LAMA4: variants seen among roughly 807,000 people sequenced by gnomAD.
LAMA4 encodes the protein laminin subunit alpha 4.
LAMA4 carries 127 observed loss-of-function variants against 207.1 expected under a neutral mutation model. That is an observed-to-expected ratio of 0.61 (90% confidence interval 0.53 to 0.71). The LOEUF (loss-of-function observed/expected upper bound fraction) is 0.71. Ranked by LOEUF, LAMA4 falls within the 30% of genes least tolerant of loss-of-function variation. The probability of loss-of-function intolerance (pLI) is 0.00; values close to 1 mark genes in which losing one functional copy is unlikely to be tolerated. For synonymous variants in LAMA4, 761 were observed against 816.0 expected (o/e 0.93, Z 1.15); for missense variants, 2,093 against 2,246.5 (o/e 0.93, Z 1.38).
intron 2 of LAMA4, among the ~76,000 whole-genome samples, chr6:112,252,126 T>C (rs537820956): frequency 5.3e-5 from 8 of 152,364 alleles, no homozygotes; most frequent in South Asian, 2.1e-4. Context: ...TCAAGCACTA[T>C]GCTAAGCACT....
intron 16 of LAMA4, among the ~76,000 whole-genome samples, chr6:112,153,812 T>C (rs1780538550): frequency 6.6e-6 from 1 of 152,116 alleles, no homozygotes; most frequent in Admixed American, 6.5e-5. Flanking sequence ...CATATAATAA[T>C]TAGACTAGAG....
rs993751810 is a variant in LAMA4 at position 112,139,986 on chromosome 6, C to A, written c.2977-101G>T. 9 of 1,154,118 alleles carry A rather than the reference C, an allele frequency of 7.8e-6. No individual in the cohort carries two copies. In the African/African-American group the frequency reaches 1.2e-4, roughly 16 times the overall value. 71.5% of individuals were successfully genotyped at this position (1,154,118 alleles called of 1,614,324 possible). On this transcript the variant is annotated intron_variant, in intron 22 of 38. Transcript: ENST00000230538. Reference sequence around the variant, plus strand: ...CTAATAGTAGGTCAAGGAGACCTACCCCTTTGTGGAAATATCTTTCTAGAC... The same window carrying A: ...CTAATAGTAGGTCAAGGAGACCTACACCTTTGTGGAAATATCTTTCTAGAC...
intron 5 of LAMA4, among the ~76,000 whole-genome samples, chr6:112,198,537 C>T (rs1428666319): frequency 1.3e-5 from 2 of 152,116 alleles, no homozygotes; most frequent in Non-Finnish European, 2.9e-5. Flanking sequence ...CAGCAAAGAC[C>T]ACCGCAATTT....
chr6:112,230,259 C>G (rs1240395076), intron 2 of LAMA4, among the ~76,000 whole-genome samples: 1 of 152,214 alleles, frequency 6.6e-6, no homozygotes, highest in African/African-American at 2.4e-5. Context: ...TAAGATAGCA[C>G]AGCCTCTAGA....
intron 38 of LAMA4, among the ~76,000 whole-genome samples, chr6:112,111,122 T>C (rs1179237613): frequency 6.6e-6 from 1 of 152,146 alleles, no homozygotes; most frequent in Non-Finnish European, 1.5e-5. Flanking sequence ...CTCACTATAG[T>C]CTCCAGTTCC....
At position 112,172,655 on chromosome 6, in the gene LAMA4, C is replaced by T. The variant is rs782568868; in HGVS notation, c.1507G>A (p.Glu503Lys). The change falls in exon 12 of 39, where the codon GAA (glutamate) becomes AAA (lysine). Residue 503 changes from glutamate (E) to lysine (K), a missense_variant. This residue lies in a region of LAMA4 where 1,704 missense variants were observed against 1,788.4 expected (regional missense o/e 0.95). Coordinates refer to ENST00000230538, the MANE Select transcript of LAMA4 (RefSeq NM_001105206.3). ...DQALNYVRDAEDMNRATAARQ... is the reference protein window; with the variant it reads ...DQALNYVRDAKDMNRATAARQ... ...GCTGCTGTGGCCCTGTTCATGTCTT[C>T]GGCATCCCTGACATAGTTAAGGGCC... The T allele has an allele frequency of 2.0e-5, 33 of 1,613,426 alleles. 1 individual carries two copies. Among genetic ancestry groups the T allele is most frequent in the South Asian group, 1.5e-4 (14 of 91,036 alleles).
chr6:112,114,642 C>CA (rs1554322817), intron 37 of LAMA4, 21 bp downstream of exon 37: 2 of 1,541,860 alleles, frequency 1.3e-6, no homozygotes, highest in Admixed American at 3.3e-5. Context: ...GCAGGCTCCC[C>CA]AGGGCAGTCA....
At chr6:112,242,424 T>C (rs1554187864) in intron 2 of LAMA4, among the ~76,000 whole-genome samples, 1 of 152,236 alleles carries the variant, frequency 6.6e-6, no homozygotes, top group East Asian at 1.9e-4. Flanking sequence ...TCAAACATTT[T>C]TGCCATTTTC....
intron 5 of LAMA4, among the ~76,000 whole-genome samples, chr6:112,193,800 C>T (rs1348154777): frequency 2.0e-5 from 3 of 150,912 alleles, no homozygotes; most frequent in Non-Finnish European, 2.9e-5. Context: ...TTTGCTCCAC[C>T]CTGGACCACA....
intron 5 of LAMA4, among the ~76,000 whole-genome samples, chr6:112,199,396 GA>G (rs1464794655): frequency 1.3e-5 from 2 of 151,844 alleles, no homozygotes; most frequent in Non-Finnish European, 2.9e-5. Flanking sequence ...AAACTAAATT[GA>G]ATTTAACCTC....
chr6:112,224,723 G>A (rs1249691308), intron 2 of LAMA4, among the ~76,000 whole-genome samples: 1 of 151,682 alleles, frequency 6.6e-6, no homozygotes, highest in Non-Finnish European at 1.5e-5. Context: ...GGCTGAGGCA[G>A]GGGAATCACT....
intron 2 of LAMA4, among the ~76,000 whole-genome samples, chr6:112,246,542 A>C (rs1554188707): frequency 7.3e-6 from 1 of 136,802 alleles, no homozygotes; most frequent in East Asian, 2.1e-4. Flanking sequence ...TTTTTTTGAG[A>C]TAGAGTCTCG....
At chr6:112,169,803 G>A (rs1222709004) in intron 12 of LAMA4, among the ~76,000 whole-genome samples, 1 of 152,202 alleles carries the variant, frequency 6.6e-6, no homozygotes, top group African/African-American at 2.4e-5. Flanking sequence ...ATCTGTATAA[G>A]TTTATTTAAA....
At chr6:112,206,946 G>GCAAAACAAAA (rs371859889) in intron 4 of LAMA4, 75 bp downstream of exon 4, 46 of 1,545,094 alleles carry the variant, frequency 3.0e-5, no homozygotes, top group East Asian at 9.0e-5. Flanking sequence ...CTGGGATAAG[G>GCAAAACAAAA]CAAAACAAAA....
At chr6:112,167,900 A>G (rs1488214981) in intron 12 of LAMA4, among the ~76,000 whole-genome samples, 3 of 150,640 alleles carry the variant, frequency 2.0e-5, no homozygotes, top group African/African-American at 7.4e-5. Flanking sequence ...ACACAGAGTT[A>G]TGCATTCAGC....
intron 10 of LAMA4, among the ~76,000 whole-genome samples, chr6:112,176,777 T>C (rs782211633): frequency 3.9e-5 from 6 of 152,240 alleles, no homozygotes; most frequent in Non-Finnish European, 8.8e-5. Flanking sequence ...CAGACAATAG[T>C]ATTTTTGCCT....
intron 12 of LAMA4, among the ~76,000 whole-genome samples, chr6:112,168,591 C>T (rs1253172108): frequency 6.6e-6 from 1 of 152,052 alleles, no homozygotes; most frequent in African/African-American, 2.4e-5. Flanking sequence ...GGTGATCCAC[C>T]TGCCTTGGCC....
chr6:112,209,215 G>C (rs1325585955), intron 3 of LAMA4, among the ~76,000 whole-genome samples: 6 of 152,156 alleles, frequency 3.9e-5, no homozygotes, highest in African/African-American at 1.4e-4. Context: ...GTTCTTGCTG[G>C]ACGGATGAAG....
At chr6:112,166,501 C>G (rs374656749) in intron 12 of LAMA4, 25 of 153,012 alleles carry the variant, frequency 1.6e-4, no homozygotes, top group African/African-American at 5.5e-4. Flanking sequence ...TTATTTACCT[C>G]TCACAGAACT....
Sources: allele counts gnomAD v4.1 joint callset (sites outside exome capture counted in the v4.1 genomes callset), GRCh38; gene constraint gnomAD v4.1.1; regional missense constraint gnomAD v4.1.1; transcripts MANE v1.5; gene names NCBI Gene and HGNC (gene_info 2026-07-23, HGNC 2026-07-21).